TRABD2B: variants seen among roughly 807,000 people sequenced by gnomAD.
The protein encoded by TRABD2B is metalloprotease TIKI2.
A neutral mutation model predicts 40.1 loss-of-function variants in TRABD2B; 14 were observed. The observed-to-expected ratio is 0.35, with a 90% CI of 0.23 to 0.55. TRABD2B has a LOEUF of 0.55. Among genes scored for constraint, TRABD2B ranks in the 20% least tolerant of loss-of-function variants. TRABD2B has a pLI of 0.90. For missense variants in TRABD2B, 541 were observed against 648.6 expected (o/e 0.83, Z 1.80); for synonymous variants, 263 against 277.0 (o/e 0.95, Z 0.50).
At chr1:47,893,557 T>C (rs903980685) in intron 2 of TRABD2B, among the ~76,000 whole-genome samples, 2 of 152,246 alleles carry the variant, frequency 1.3e-5, no homozygotes, top group Non-Finnish European at 2.9e-5. Flanking sequence ...TTTACAGCCA[T>C]GCTCTTAGCG....
chr1:47,991,880 T>C (rs1646016831), intron 2 of TRABD2B, among the ~76,000 whole-genome samples: 1 of 152,184 alleles, frequency 6.6e-6, no homozygotes, highest in South Asian at 2.1e-4. Flanking sequence ...CTGAGAAGGC[T>C]GTTGCATTTC....
At chr1:47,938,109 T>C (rs1645138200) in intron 2 of TRABD2B, among the ~76,000 whole-genome samples, 1 of 152,194 alleles carries the variant, frequency 6.6e-6, no homozygotes, top group Admixed American at 6.5e-5. Context: ...GAACAAGGCC[T>C]GAGGGAAATT....
chr1:47,872,488 TG>T (rs1644158260), intron 2 of TRABD2B, among the ~76,000 whole-genome samples: 1 of 152,166 alleles, frequency 6.6e-6, no homozygotes, highest in Non-Finnish European at 1.5e-5. Context: ...GCTAGCAGCC[TG>T]GGGTCCCAAC....
chr1:47,921,273 T>C (rs1011333688), intron 2 of TRABD2B, among the ~76,000 whole-genome samples: 6 of 152,192 alleles, frequency 3.9e-5, no homozygotes, highest in African/African-American at 1.4e-4. Flanking sequence ...GGAGACGTTT[T>C]CTGGGCTGGA....
chr1:47,930,631 A>T (rs1278111759), intron 2 of TRABD2B, among the ~76,000 whole-genome samples: 2 of 152,232 alleles, frequency 1.3e-5, no homozygotes, highest in Non-Finnish European at 2.9e-5. Context: ...GGCAACAAAC[A>T]GGTGGAGACT....
At chr1:47,955,495 C>G (rs968526328) in intron 2 of TRABD2B, among the ~76,000 whole-genome samples, 14 of 152,176 alleles carry the variant, frequency 9.2e-5, no homozygotes, top group Non-Finnish European at 1.8e-4. Flanking sequence ...CCCATTCTGG[C>G]CTTATCTCCT....
chr1:47,927,632 C>G (rs996624287), intron 2 of TRABD2B, among the ~76,000 whole-genome samples: 13 of 152,206 alleles, frequency 8.5e-5, no homozygotes, highest in Non-Finnish European at 1.2e-4. Context: ...GGGTCCTCCC[C>G]ATTAGGGGAA....
intron 2 of TRABD2B, among the ~76,000 whole-genome samples, chr1:47,933,202 T>C (rs1473651125): frequency 2.0e-5 from 3 of 151,700 alleles, no homozygotes; most frequent in Non-Finnish European, 2.9e-5. Flanking sequence ...GCCTCCTGAG[T>C]TCACGCCATT....
At chr1:47,815,355 G>A (rs1022740820) in intron 2 of TRABD2B, among the ~76,000 whole-genome samples, 4 of 152,188 alleles carry the variant, frequency 2.6e-5, no homozygotes, top group African/African-American at 7.2e-5. Flanking sequence ...GGCGATGAGA[G>A]CAGACAGGGG....
rs756397563 is a variant in TRABD2B at position 47,994,174 on chromosome 1, T to C, written c.526A>G (p.Arg176Gly). The change falls in exon 2 of 7, where the codon AGG becomes GGG. Residue 176 changes from arginine to glycine, a missense_variant. Physicochemically the swap from Arg to Gly is moderately radical, Grantham distance 125. Transcript: ENST00000606738. This position sits in a 1 kb window ranked among gnomAD's most constrained non-coding sequence, Gnocchi z 6.7. ...VMLMVNSLTE[R>G]DVRFRGVPVL... ...GGCACACCACGGAAGCGCACGTCCC[T>C]CTCTGTGAGCGAGTTTACCATGAGC... 251 of 1,538,346 alleles carry C rather than the reference T, an allele frequency of 1.6e-4. No individual in the cohort carries two copies. The highest frequency in any genetic ancestry group is 2.0e-4 in the Non-Finnish European group (235 of 1,147,802).
chr1:47,826,419 A>G (rs1645174744), intron 2 of TRABD2B, among the ~76,000 whole-genome samples: 1 of 152,114 alleles, frequency 6.6e-6, no homozygotes, highest in Non-Finnish European at 1.5e-5. Flanking sequence ...TATTTTACAT[A>G]TGTAATTTAT....
intron 2 of TRABD2B, among the ~76,000 whole-genome samples, chr1:47,863,079 C>T (rs774907099): frequency 6.6e-6 from 1 of 151,700 alleles, no homozygotes; most frequent in Non-Finnish European, 1.5e-5. Context: ...TGAATCACAG[C>T]CCTAAATGTA....
intron 2 of TRABD2B, among the ~76,000 whole-genome samples, chr1:47,938,638 T>C (rs954990): frequency 0.26 from 39,565 of 152,024 alleles, 5,244 homozygotes; most frequent in African/African-American, 0.3. Flanking sequence ...GGATTGAGAA[T>C]GGGAAATGGA....
chr1:47,879,586 C>T (rs1340212), intron 2 of TRABD2B, among the ~76,000 whole-genome samples: 1 of 152,238 alleles, frequency 6.6e-6, no homozygotes, highest in Non-Finnish European at 1.5e-5. Flanking sequence ...TCATGCATGA[C>T]TCTATACCTG....
At chr1:47,903,223 G>A (rs907631301) in intron 2 of TRABD2B, among the ~76,000 whole-genome samples, 1 of 152,116 alleles carries the variant, frequency 6.6e-6, no homozygotes, top group African/African-American at 2.4e-5. Context: ...GAGAGTGTAC[G>A]TCAAATTGCC....
At chr1:47,853,765 A>G (rs1186635973) in intron 2 of TRABD2B, among the ~76,000 whole-genome samples, 1 of 152,156 alleles carries the variant, frequency 6.6e-6, no homozygotes, top group African/African-American at 2.4e-5. Flanking sequence ...CTGGCCCTAC[A>G]CAAGCTTAAG....
chr1:47,854,534 C>T (rs771647670), intron 2 of TRABD2B, among the ~76,000 whole-genome samples: 1 of 152,136 alleles, frequency 6.6e-6, no homozygotes, highest in Non-Finnish European at 1.5e-5. Context: ...TGGAATAAGT[C>T]ATAGTCCTCT....
chr1:47,858,696 C>A (rs1643924059), intron 2 of TRABD2B, among the ~76,000 whole-genome samples: 1 of 152,236 alleles, frequency 6.6e-6, no homozygotes, highest in Non-Finnish European at 1.5e-5. Context: ...ACATGACTGC[C>A]TTATCCCCAA....
chr1:47,890,628 G>C (rs1644431848), intron 2 of TRABD2B, among the ~76,000 whole-genome samples: 2 of 152,202 alleles, frequency 1.3e-5, no homozygotes, highest in Non-Finnish European at 2.9e-5. Flanking sequence ...AGGATCCACA[G>C]ACCTGATGCT....
Sources: gnomAD v4.1 joint callset for allele counts (sites outside exome capture counted in the v4.1 genomes callset) on GRCh38, gnomAD v4.1.1 for gene constraint, Gnocchi (gnomAD v3.1) non-coding constraint, MANE v1.5 for transcripts, NCBI Gene and HGNC (gene_info 2026-07-23, HGNC 2026-07-21) for gene names.